The following PDE4D variants were observed in gnomAD, a reference collection of about 807,000 sequenced individuals.
PDE4D encodes the protein phosphodiesterase 4D, also known as 3',5'-cyclic-AMP phosphodiesterase 4D.
In PDE4D, 24 loss-of-function variants were observed where a neutral mutation model predicts 87.4. The observed-to-expected ratio is 0.27, with a 90% CI of 0.20 to 0.39. The LOEUF (loss-of-function observed/expected upper bound fraction) is 0.39. Among genes scored for constraint, PDE4D ranks in the 10% least tolerant of loss-of-function variants. The pLI, the probability that PDE4D is intolerant of heterozygous loss-of-function variation, is 1.00. For synonymous variants in PDE4D, 384 were observed against 383.2 expected (o/e 1.00, Z -0.02); for missense variants, 714 against 1,041.0 (o/e 0.69, Z 4.32).
intron 5 of PDE4D, among the ~76,000 whole-genome samples, chr5:59,069,164 T>C (rs1764365567): frequency 6.6e-6 from 1 of 152,132 alleles, no homozygotes. Flanking sequence ...AAAGCAAGCA[T>C]TCCAAAAATC....
chr5:60,320,499 T>A (rs916609465), intron 1 of PDE4D, among the ~76,000 whole-genome samples: 1 of 152,144 alleles, frequency 6.6e-6, no homozygotes, highest in Non-Finnish European at 1.5e-5. Context: ...CTGCACCCAC[T>A]TTCCGACACT....
chr5:59,152,113 A>C (rs1042899247), intron 5 of PDE4D, among the ~76,000 whole-genome samples: 1 of 152,204 alleles, frequency 6.6e-6, no homozygotes, highest in African/African-American at 2.4e-5. Flanking sequence ...GCTTTCCAGA[A>C]TAATGACCAT....
intron 5 of PDE4D, among the ~76,000 whole-genome samples, chr5:59,158,549 T>A (rs1238863948): frequency 6.6e-6 from 1 of 152,196 alleles, no homozygotes; most frequent in Non-Finnish European, 1.5e-5. Flanking sequence ...ACATCCAGAT[T>A]GGAAAAAGTG....
chr5:60,367,089 A>G (rs551020997), intron 1 of PDE4D, among the ~76,000 whole-genome samples: 12 of 152,290 alleles, frequency 7.9e-5, no homozygotes, highest in African/African-American at 2.9e-4. Flanking sequence ...TCTTTGGAGA[A>G]CCAATTTTTT....
intron 5 of PDE4D, among the ~76,000 whole-genome samples, chr5:59,146,196 A>C (rs1255227920): frequency 6.6e-6 from 1 of 152,214 alleles, no homozygotes; most frequent in African/African-American, 2.4e-5. Context: ...AAACTAAAAA[A>C]AAATATACAC....
chr5:60,146,447 A>G (rs1044884127), intron 2 of PDE4D, among the ~76,000 whole-genome samples: 10 of 152,232 alleles, frequency 6.6e-5, no homozygotes, highest in African/African-American at 2.4e-4. Flanking sequence ...CGCAAACATA[A>G]TATCAAGACC....
At position 60,113,897 on chromosome 5, in the gene PDE4D, C is replaced by T. The variant is rs146668977; in HGVS notation, c.42+71660G>A. On this transcript the variant is annotated intron_variant, in intron 2 of 16. Coordinates refer to the PDE4D transcript ENST00000502484. Reference sequence around the variant, plus strand: ...TGCCAGGTTTACAGGTGATCCCTCACAGCACCAGTAGTACCTCCACATAGT... The same window carrying T: ...TGCCAGGTTTACAGGTGATCCCTCATAGCACCAGTAGTACCTCCACATAGT... Among the ~76,000 whole-genome samples the T allele has an allele frequency of 5.1e-3, 773 of 152,270 alleles. 6 individuals carry two copies. Among genetic ancestry groups the T allele is most frequent in the African/African-American group, 0.018 (736 of 41,558 alleles).
chr5:60,384,656 T>C (rs1762083124), intron 1 of PDE4D, among the ~76,000 whole-genome samples: 1 of 152,104 alleles, frequency 6.6e-6, no homozygotes. Context: ...TATTTGATTG[T>C]TAAAGGTTGG....
At chr5:60,254,876 C>T (rs935542230) in intron 1 of PDE4D, among the ~76,000 whole-genome samples, 5 of 151,780 alleles carry the variant, frequency 3.3e-5, no homozygotes, top group Non-Finnish European at 7.4e-5. Flanking sequence ...GCAGTTAGCC[C>T]TAAGTGCTGT....
intron 1 of PDE4D, among the ~76,000 whole-genome samples, chr5:59,732,424 A>ACACACT (rs1162082425): frequency 2.0e-5 from 3 of 151,670 alleles, no homozygotes; most frequent in Non-Finnish European, 4.4e-5. Flanking sequence ...ACACACACAC[A>ACACACT]CACTCACTCA....
intron 1 of PDE4D, among the ~76,000 whole-genome samples, chr5:59,710,106 C>A (rs548312538): frequency 6.6e-6 from 1 of 152,232 alleles, no homozygotes; most frequent in Non-Finnish European, 1.5e-5. Context: ...AGGATATAAA[C>A]AATTATACAA....
chr5:59,236,250 T>C (rs1338967758), intron 1 of PDE4D, among the ~76,000 whole-genome samples: 1 of 152,162 alleles, frequency 6.6e-6, no homozygotes, highest in African/African-American at 2.4e-5. Context: ...GCAATACTAC[T>C]GGGTTGAGAA....
intron 1 of PDE4D, among the ~76,000 whole-genome samples, chr5:60,335,519 G>A (rs368068428): frequency 2.0e-5 from 3 of 152,168 alleles, no homozygotes; most frequent in African/African-American, 7.2e-5. Context: ...ATTTATCAAA[G>A]GTTACAGGGC....
chr5:59,683,597 A>G (rs1364900453), intron 1 of PDE4D, among the ~76,000 whole-genome samples: 2 of 152,210 alleles, frequency 1.3e-5, no homozygotes, highest in Non-Finnish European at 2.9e-5. Flanking sequence ...CACACTGTAC[A>G]GAAAGTAAAT....
chr5:60,134,200 T>C (rs1779830426), intron 2 of PDE4D, among the ~76,000 whole-genome samples: 3 of 152,190 alleles, frequency 2.0e-5, no homozygotes, highest in African/African-American at 4.8e-5. Context: ...ATTTTGTGCT[T>C]ATAAACATTA....
At chr5:59,859,381 T>C (rs1304024196) in intron 1 of PDE4D, among the ~76,000 whole-genome samples, 2 of 152,184 alleles carry the variant, frequency 1.3e-5, no homozygotes, top group African/African-American at 4.8e-5. Flanking sequence ...TCACCATTCA[T>C]CTGATTTCTA....
intron 1 of PDE4D, among the ~76,000 whole-genome samples, chr5:60,436,819 G>A (rs1424878471): frequency 2.6e-5 from 4 of 152,052 alleles, no homozygotes; most frequent in Admixed American, 6.6e-5. Flanking sequence ...GCTAAATAAC[G>A]GGAAAATTCA....
At chr5:60,405,716 C>T (rs1741470726) in intron 1 of PDE4D, among the ~76,000 whole-genome samples, 1 of 152,224 alleles carries the variant, frequency 6.6e-6, no homozygotes, top group Non-Finnish European at 1.5e-5. Flanking sequence ...GATACTTCTA[C>T]TGAGTATAAG....
chr5:59,132,972 C>T (rs13176475), intron 5 of PDE4D, among the ~76,000 whole-genome samples: 44,038 of 151,964 alleles, frequency 0.29, 6,478 homozygotes, highest in South Asian at 0.42. Flanking sequence ...AGCATTATGA[C>T]CAGTGTATGT....
Sources: allele counts gnomAD v4.1 joint callset (sites outside exome capture counted in the v4.1 genomes callset), GRCh38; gene constraint gnomAD v4.1.1; transcripts MANE v1.5; gene names NCBI Gene and HGNC (gene_info 2026-07-23, HGNC 2026-07-21).